TMOD1: variants seen among roughly 807,000 people sequenced by gnomAD.
The protein encoded by TMOD1 is tropomodulin-1.
TMOD1 carries 17 observed loss-of-function variants against 40.6 expected under a neutral mutation model. The observed-to-expected ratio is 0.42, with a 90% CI of 0.29 to 0.63. TMOD1 has a LOEUF of 0.63. Among genes scored for constraint, TMOD1 ranks in the 20% least tolerant of loss-of-function variants. The pLI is 0.22. For synonymous variants in TMOD1, 181 were observed against 175.0 expected (o/e 1.03, Z -0.27); for missense variants, 391 against 447.6 (o/e 0.87, Z 1.14).
At chr9:97,591,263 TTTA>T in intron 8 of TMOD1, 25 bp from the exon 9 acceptor site, 1 of 1,574,882 alleles carries the variant, frequency 6.3e-7, no homozygotes, top group Non-Finnish European at 8.6e-7. Flanking sequence ...GATTTTATTT[TTTA>T]TTTTTTATTT....
chr9:97,564,006 G>A (rs1252263424), intron 5 of TMOD1, 32 bp from the exon 6 acceptor site: 2 of 1,595,166 alleles, frequency 1.3e-6, no homozygotes, highest in African/African-American at 1.4e-5. Context: ...CCTTGTTTCT[G>A]TGAGCCACCT....
chr9:97,567,487 A>T (rs1830745866), intron 7 of TMOD1, among the ~76,000 whole-genome samples: 1 of 152,240 alleles, frequency 6.6e-6, no homozygotes, highest in Non-Finnish European at 1.5e-5. Flanking sequence ...GGGACCCAGC[A>T]TACAAGGAGT....
Position 97,502,522 on chromosome 9 carries a change from G to A in TMOD1, c.-49+719G>A, listed in dbSNP as rs1829519681. 6.6e-6 allele frequency among the ~76,000 whole-genome samples: 1 copy of A among 152,172 alleles called. No homozygotes were observed. Among genetic ancestry groups the A allele is most frequent in the African/African-American group, 2.4e-5 (1 of 41,452 alleles). On this transcript the variant is annotated intron_variant, in intron 1 of 9. Transcript: ENST00000259365. This position sits in a 1 kb window ranked among gnomAD's most constrained non-coding sequence, Gnocchi z 6.1. Reference sequence around the variant, plus strand: ...CTCAGTCTCCCATTTGTAGGGGCGAGGTTTGGTAGCCGCGATGGAGCTGGG... The same window carrying A: ...CTCAGTCTCCCATTTGTAGGGGCGAAGTTTGGTAGCCGCGATGGAGCTGGG...
intron 8 of TMOD1, among the ~76,000 whole-genome samples, chr9:97,586,280 T>C (rs1043662620): frequency 2.0e-5 from 3 of 152,376 alleles, no homozygotes; most frequent in East Asian, 1.9e-4. Flanking sequence ...CGTGTCAGTG[T>C]GCCCCTGCTG....
chr9:97,582,758 A>G (rs1480107137), intron 8 of TMOD1, among the ~76,000 whole-genome samples: 5 of 122,080 alleles, frequency 4.1e-5, no homozygotes, highest in Admixed American at 8.5e-5. Context: ...TTCTCTTTGA[A>G]GCAATTGTGA....
chr9:97,581,740 G>A (rs1216765485), intron 8 of TMOD1, among the ~76,000 whole-genome samples: 2 of 151,918 alleles, frequency 1.3e-5, no homozygotes, highest in Admixed American at 6.6e-5. Context: ...TTTCTCTGAT[G>A]GCCAGTGATG....
At chr9:97,524,538 C>T (rs7031147) in intron 2 of TMOD1, among the ~76,000 whole-genome samples, 103,373 of 148,528 alleles carry the variant, frequency 0.7, 35,983 homozygotes, top group East Asian at 0.8. Flanking sequence ...GTGTGTGTGT[C>T]GAGACAGAGA....
At chr9:97,540,613 C>G (rs990394216) in intron 2 of TMOD1, among the ~76,000 whole-genome samples, 2 of 152,182 alleles carry the variant, frequency 1.3e-5, no homozygotes, top group Non-Finnish European at 2.9e-5. Context: ...CTGTACGTTT[C>G]ATATATTGTA....
intron 8 of TMOD1, among the ~76,000 whole-genome samples, chr9:97,573,170 C>T (rs1830849000): frequency 6.6e-6 from 1 of 152,222 alleles, no homozygotes. Context: ...GCCAAGCAGG[C>T]CATCTCCACA....
chr9:97,538,253 A>C (rs1830216374), intron 2 of TMOD1, among the ~76,000 whole-genome samples: 1 of 152,226 alleles, frequency 6.6e-6, no homozygotes, highest in Non-Finnish European at 1.5e-5. Context: ...TGATAAAAAG[A>C]TCATCCAGGT....
chr9:97,517,110 G>C (rs1330411379), intron 1 of TMOD1, among the ~76,000 whole-genome samples: 1 of 152,142 alleles, frequency 6.6e-6, no homozygotes, highest in Non-Finnish European at 1.5e-5. Context: ...ACTTTGGGAG[G>C]CTGAAGCGGG....
intron 2 of TMOD1, among the ~76,000 whole-genome samples, chr9:97,528,366 C>T (rs1830048253): frequency 6.6e-6 from 1 of 152,164 alleles, no homozygotes; most frequent in African/African-American, 2.4e-5. Flanking sequence ...CCATCTGAGA[C>T]CTGAGATTCT....
intron 8 of TMOD1, among the ~76,000 whole-genome samples, chr9:97,580,989 TC>T (rs1825738714): frequency 6.8e-6 from 1 of 147,532 alleles, no homozygotes; most frequent in African/African-American, 2.5e-5. Flanking sequence ...TTATTTTATT[TC>T]TTTTTTCTTT....
chr9:97,591,418 T>C lies in TMOD1; in HGVS notation c.998T>C (p.Met333Thr). The change falls in exon 9 of 10, where the codon ATG becomes ACG. Residue 333 changes from methionine to threonine, a missense_variant. Physicochemically the swap from Met to Thr is moderately conservative, Grantham distance 81 (BLOSUM62 -1). Transcript: ENST00000259365. ...GPRLRASNAMMNNNDLVRKRR... is the reference protein window; with the variant it reads ...GPRLRASNAMTNNNDLVRKRR... ...CGGCTTCGGGCATCCAACGCAATGA[T>C]GAACAACAATGACCTTGGTGAGTAG... 4.3e-6 allele frequency: 7 copies of C among 1,614,196 alleles called. No homozygotes were observed. Among genetic ancestry groups the C allele is most frequent in the Non-Finnish European group, 5.9e-6 (7 of 1,180,026 alleles).
In TMOD1 at chr9:97,599,543, G is replaced by C. The variant is rs576558375; in HGVS notation, c.1016-91G>C. On this transcript the variant is annotated intron_variant, in intron 9 of 9. Coordinates refer to ENST00000259365, the MANE Select transcript of TMOD1 (RefSeq NM_003275.4). ...TCAGACTCTGTTAACAAACCAATTA[G>C]TGCGAGGTTTCACAGTGCTTTCTCA... The C allele has an allele frequency of 2.9e-4, 437 of 1,526,318 alleles. 5 individuals carry two copies. Among genetic ancestry groups the C allele is most frequent in the South Asian group, 1.0e-3 (91 of 87,416 alleles). 94.5% of individuals were successfully genotyped at this position (1,526,318 alleles called of 1,614,324 possible).
intron 4 of TMOD1, among the ~76,000 whole-genome samples, chr9:97,559,077 C>G (rs1830577374): frequency 6.6e-6 from 1 of 152,190 alleles, no homozygotes. Flanking sequence ...CCACTCTAAG[C>G]CACACCAGTC....
At chr9:97,521,713 T>C (rs1829919047) in intron 1 of TMOD1, among the ~76,000 whole-genome samples, 1 of 152,212 alleles carries the variant, frequency 6.6e-6, no homozygotes, top group Admixed American at 6.5e-5. Context: ...TGAGCCATTC[T>C]GAGAGAAAAG....
chr9:97,571,140 T>C (rs1224501739), intron 8 of TMOD1, among the ~76,000 whole-genome samples: 1 of 152,218 alleles, frequency 6.6e-6, no homozygotes, highest in Non-Finnish European at 1.5e-5. Flanking sequence ...TGGGATTGGC[T>C]ACTCATGTGA....
intron 2 of TMOD1, among the ~76,000 whole-genome samples, chr9:97,529,828 G>A (rs1830071737): frequency 6.6e-6 from 1 of 152,214 alleles, no homozygotes; most frequent in African/African-American, 2.4e-5. Context: ...TCTGCAGGGA[G>A]CAGTGTACAG....
Sources: allele counts gnomAD v4.1 joint callset (sites outside exome capture counted in the v4.1 genomes callset), GRCh38; gene constraint gnomAD v4.1.1; non-coding constraint Gnocchi (gnomAD v3.1); transcripts MANE v1.5; gene names NCBI Gene and HGNC (gene_info 2026-07-23, HGNC 2026-07-21).